The following CTNNA2 variants were observed in gnomAD, a reference collection of about 807,000 sequenced individuals.
The protein encoded by CTNNA2 is catenin alpha 2, also known as catenin alpha-2.
CTNNA2 carries 42 observed loss-of-function variants against 101.0 expected under a neutral mutation model. That is an observed-to-expected ratio of 0.42 (90% CI 0.32 to 0.54). The LOEUF (loss-of-function observed/expected upper bound fraction) is 0.54. Among genes scored for constraint, CTNNA2 ranks in the 20% least tolerant of loss-of-function variants. CTNNA2 has a pLI of 0.14. For missense variants in CTNNA2, 871 were observed against 1,223.1 expected (o/e 0.71, Z 4.29); for synonymous variants, 450 against 456.4 (o/e 0.99, Z 0.18).
At chr2:79,623,527 G>T (rs4267535) in intron 1 of CTNNA2, among the ~76,000 whole-genome samples, 21,488 of 152,116 alleles carry the variant, frequency 0.14, 1,873 homozygotes, top group Middle Eastern at 0.29. Flanking sequence ...ACATGAGCCT[G>T]CAATTTGCAT....
chr2:80,408,981 A>T (rs1353698468), intron 8 of CTNNA2, among the ~76,000 whole-genome samples: 1 of 152,206 alleles, frequency 6.6e-6, no homozygotes, highest in African/African-American at 2.4e-5. Context: ...AAGGAAGGTC[A>T]AATGAAACAA....
At chr2:79,929,769 CT>C (rs774413706) in intron 7 of CTNNA2, among the ~76,000 whole-genome samples, 23 of 152,224 alleles carry the variant, frequency 1.5e-4, no homozygotes, top group Non-Finnish European at 4.4e-5. Flanking sequence ...GAAGTTTGGG[CT>C]TTTAGATGAT....
intron 2 of CTNNA2, among the ~76,000 whole-genome samples, chr2:79,294,200 AG>A (rs1412854216): frequency 2.1e-5 from 3 of 144,828 alleles, no homozygotes; most frequent in African/African-American, 5.6e-5. Flanking sequence ...AGAGAGAGAG[AG>A]AGAAGAAGAA....
At chr2:79,634,196 A>G (rs992923526) in intron 1 of CTNNA2, among the ~76,000 whole-genome samples, 1 of 152,208 alleles carries the variant, frequency 6.6e-6, no homozygotes, top group Admixed American at 6.5e-5. Context: ...CCTGAATTAC[A>G]TCATGGTATT....
intron 7 of CTNNA2, among the ~76,000 whole-genome samples, chr2:80,355,274 A>C (rs1673674341): frequency 6.6e-6 from 1 of 152,214 alleles, no homozygotes; most frequent in Non-Finnish European, 1.5e-5. Context: ...GAGAAGCCAC[A>C]TGGCATAGTT....
At chr2:80,593,877 C>T (rs998455642) in intron 15 of CTNNA2, among the ~76,000 whole-genome samples, 7 of 152,116 alleles carry the variant, frequency 4.6e-5, no homozygotes, top group African/African-American at 1.7e-4. Flanking sequence ...ATCCACTCAT[C>T]TCTTAATAAG....
intron 7 of CTNNA2, among the ~76,000 whole-genome samples, chr2:80,305,944 G>C (rs1268222088): frequency 6.6e-6 from 1 of 152,200 alleles, no homozygotes; most frequent in East Asian, 1.9e-4. Flanking sequence ...GTCAAAATCA[G>C]TAGGCATTAT....
chr2:79,515,252 G>C (rs1401026964), intron 1 of CTNNA2, among the ~76,000 whole-genome samples: 1 of 152,224 alleles, frequency 6.6e-6, no homozygotes, highest in Non-Finnish European at 1.5e-5. Flanking sequence ...TGAACTTGTA[G>C]ATAGGAGTGT....
chr2:80,314,656 C>T (rs573020346), intron 7 of CTNNA2, among the ~76,000 whole-genome samples: 1 of 152,248 alleles, frequency 6.6e-6, no homozygotes, highest in East Asian at 1.9e-4. Flanking sequence ...AGTGAAGCTG[C>T]AAAGGAAACG....
intron 7 of CTNNA2, among the ~76,000 whole-genome samples, chr2:80,141,504 C>G (rs995920987): frequency 1.5e-4 from 23 of 151,930 alleles, no homozygotes; most frequent in African/African-American, 5.6e-4. Context: ...AAATATCCAC[C>G]CCCTCCAACC....
chr2:79,685,596 C>T (rs557263828), intron 2 of CTNNA2, among the ~76,000 whole-genome samples: 41 of 152,210 alleles, frequency 2.7e-4, no homozygotes, highest in East Asian at 7.8e-4. Flanking sequence ...AGTGTCCTTA[C>T]GGAGATAGCC....
At chr2:80,203,459 C>A (rs1009087472) in intron 7 of CTNNA2, among the ~76,000 whole-genome samples, 1 of 152,232 alleles carries the variant, frequency 6.6e-6, no homozygotes, top group Non-Finnish European at 1.5e-5. Flanking sequence ...AATGGGGCCA[C>A]AGGCCCCATG....
chr2:80,056,943 G>A (rs1303765612), intron 7 of CTNNA2, among the ~76,000 whole-genome samples: 3 of 152,108 alleles, frequency 2.0e-5, no homozygotes, highest in Non-Finnish European at 4.4e-5. Context: ...TCTTCTCCTG[G>A]CCAATGAGCA....
At chr2:80,248,971 A>G (rs139040373) in intron 7 of CTNNA2, among the ~76,000 whole-genome samples, 243 of 152,290 alleles carry the variant, frequency 1.6e-3, no homozygotes, top group African/African-American at 5.4e-3. Context: ...TACATGCTGA[A>G]CATGGTGATT....
At chr2:80,055,356 A>G (rs1051907692) in intron 7 of CTNNA2, among the ~76,000 whole-genome samples, 7 of 152,080 alleles carry the variant, frequency 4.6e-5, no homozygotes, top group Non-Finnish European at 7.4e-5. Flanking sequence ...TTCTGTCTAC[A>G]TGGTAATGAC....
intron 3 of CTNNA2, among the ~76,000 whole-genome samples, chr2:79,774,035 T>C (rs1174703379): frequency 1.3e-5 from 2 of 152,174 alleles, no homozygotes; most frequent in African/African-American, 4.8e-5. Context: ...GCTTCTCTCA[T>C]CAAGAAATCA....
At chr2:80,103,164 G>A (rs1307100054) in intron 7 of CTNNA2, among the ~76,000 whole-genome samples, 1 of 152,156 alleles carries the variant, frequency 6.6e-6, no homozygotes, top group African/African-American at 2.4e-5. Context: ...ACAAAGTGCT[G>A]CAGACTTGGG....
intron 1 of CTNNA2, among the ~76,000 whole-genome samples, chr2:79,618,062 C>A (rs1678750566): frequency 2.0e-5 from 3 of 152,100 alleles, no homozygotes. Context: ...CACCAACACA[C>A]ACACTCCTGG....
intron 7 of CTNNA2, among the ~76,000 whole-genome samples, chr2:80,189,055 C>G (rs1706308350): frequency 6.7e-6 from 1 of 148,274 alleles, no homozygotes; most frequent in African/African-American, 2.5e-5. Flanking sequence ...CAGGTTTAAG[C>G]ACTTCTCCTG....
Sources: allele counts gnomAD v4.1 joint callset (sites outside exome capture counted in the v4.1 genomes callset), GRCh38; gene constraint gnomAD v4.1.1; transcripts MANE v1.5; gene names NCBI Gene and HGNC (gene_info 2026-07-23, HGNC 2026-07-21).